The following PRKCD variants were observed in gnomAD, a reference collection of about 807,000 sequenced individuals.
PRKCD encodes the protein protein kinase C delta type.
PRKCD carries 20 observed loss-of-function variants against 82.2 expected under a neutral mutation model. That is an observed-to-expected ratio of 0.24 (90% CI 0.17 to 0.35). The LOEUF is 0.35. Ranked by LOEUF, PRKCD falls within the 10% of genes least tolerant of loss-of-function variation. The pLI is 1.00. For synonymous variants in PRKCD, 317 were observed against 337.0 expected (o/e 0.94, Z 0.65); for missense variants, 607 against 899.0 (o/e 0.68, Z 4.15).
chr3:53,182,312 A>G (rs1703476349), intron 7 of PRKCD, among the ~76,000 whole-genome samples: 1 of 151,738 alleles, frequency 6.6e-6, no homozygotes, highest in Middle Eastern at 3.2e-3. Context: ...TCTGTTGCCC[A>G]AGCTAGAGTG....
At chr3:53,163,278 G>A (rs1575520620) in intron 1 of PRKCD, among the ~76,000 whole-genome samples, 1 of 151,982 alleles carries the variant, frequency 6.6e-6, no homozygotes, top group South Asian at 2.1e-4. Flanking sequence ...TGTGATTGTG[G>A]GGAACCGAGA....
intron 5 of PRKCD, 33 bp downstream of exon 5, chr3:53,181,300 G>A: frequency 6.2e-7 from 1 of 1,612,126 alleles, no homozygotes; most frequent in South Asian, 1.1e-5. Context: ...GGGCTCCCTT[G>A]CCGGGTTCAG....
intron 2 of PRKCD, among the ~76,000 whole-genome samples, chr3:53,166,017 C>T (rs1055612996): frequency 5.9e-5 from 9 of 152,172 alleles, no homozygotes; most frequent in Non-Finnish European, 1.2e-4. Flanking sequence ...AAGCTGGAGC[C>T]TCGGAGTAAC....
At position 53,192,383 on chromosome 3, in the gene PRKCD, C is replaced by G. The variant is rs1247523463; in HGVS notation, c.*117C>G. ...GCTGGCCCCGCCCCTGCCCCCAGAG[C>G]GTCCTTGGCTGCCGTCTGGCCGGGC... On this transcript the variant is annotated 3_prime_UTR_variant, in exon 19 of 19. Transcript: ENST00000330452. 3.1e-6 allele frequency: 4 copies of G among 1,281,256 alleles called. No individual in the cohort carries two copies. Among genetic ancestry groups the G allele is most frequent in the Non-Finnish European group, 4.4e-6 (4 of 911,384 alleles). 79.4% of individuals were successfully genotyped at this position (1,281,256 alleles called of 1,614,324 possible).
At chr3:53,181,763 A>G (rs1033371368) in intron 7 of PRKCD, 31 bp downstream of exon 7, 6 of 1,614,018 alleles carry the variant, frequency 3.7e-6, no homozygotes, top group Admixed American at 1.7e-5. Flanking sequence ...GTTTGTACGT[A>G]TGTACCCATG....
chr3:53,162,111 C>T (rs1702687469), intron 1 of PRKCD, among the ~76,000 whole-genome samples: 1 of 151,960 alleles, frequency 6.6e-6, no homozygotes, highest in Admixed American at 6.5e-5. Flanking sequence ...CGTCTCTGGG[C>T]TGGGCGTGGC....
intron 18 of PRKCD, 110 bp from the exon 19 acceptor site, chr3:53,191,998 C>G (rs113628836): frequency 1.7e-6 from 2 of 1,143,844 alleles, no homozygotes; most frequent in African/African-American, 1.6e-5. Flanking sequence ...GTCTTCTGTT[C>G]TGGGTGAGGA....
At chr3:53,164,790 A>G (rs926961515) in intron 1 of PRKCD, among the ~76,000 whole-genome samples, 2 of 152,072 alleles carry the variant, frequency 1.3e-5, no homozygotes, top group East Asian at 3.9e-4. Context: ...TAAACCTGCA[A>G]GGCAACCTCC....
rs371324177 is a variant in PRKCD at position 53,181,547 on chromosome 3, G to A, written c.480G>A (p.Glu160=). 20 of 1,614,138 alleles carry A rather than the reference G, an allele frequency of 1.2e-5. No individual in the cohort carries two copies. The highest frequency in any genetic ancestry group is 1.7e-5 in the Non-Finnish European group (20 of 1,180,048). The stretch of plus-strand genomic sequence containing the variant: ...AAATCCACTACATCAAGAACCATGA[G>A]TTTATCGCCACCTTCTTTGGGCAAC... ...QAKIHYIKNH[E]FIATFFGQPT... Residue 160 remains glutamate, a synonymous_variant, in exon 6 of 19, where the codon GAG becomes GAA. Coordinates refer to ENST00000330452, the MANE Select transcript of PRKCD (RefSeq NM_006254.4).
In PRKCD at chr3:53,185,918, C is replaced by T; in HGVS notation, c.986-9C>T. 3 of 1,613,934 alleles carry T rather than the reference C, an allele frequency of 1.9e-6. No homozygotes were observed. Among genetic ancestry groups the T allele is most frequent in the South Asian group, 1.1e-5 (1 of 91,076 alleles). ...ACCCCGATCTGAGGAGGTGCCATCT[C>T]TCGGGCAGACAACAGTGGGACCTAC... On this transcript the variant is annotated splice_polypyrimidine_tract_variant and intron_variant, in intron 11 of 18. Coordinates refer to ENST00000330452, the MANE Select transcript of PRKCD (RefSeq NM_006254.4).
chr3:53,164,114 T>C (rs1340475011), intron 1 of PRKCD, among the ~76,000 whole-genome samples: 3 of 152,142 alleles, frequency 2.0e-5, no homozygotes, highest in Non-Finnish European at 2.9e-5. Flanking sequence ...CTTAGAGGCT[T>C]GAGCTGGCCT....
rs530801877 is a variant in PRKCD at position 53,169,904 on chromosome 3, A to G, written c.-20+4689A>G. Among the ~76,000 whole-genome samples the G allele has an allele frequency of 6.6e-6, 1 of 152,350 alleles. No individual in the cohort carries two copies. Among genetic ancestry groups the G allele is most frequent in the African/African-American group, 2.4e-5 (1 of 41,586 alleles). ...AGCACCCAGGCAGCAGATCTGAGCTAGGCCTGTCTAGGTCCAAGCTCGCCG... is the reference window on the plus strand; with the variant it reads ...AGCACCCAGGCAGCAGATCTGAGCTGGGCCTGTCTAGGTCCAAGCTCGCCG... On this transcript the variant is annotated intron_variant, in intron 2 of 18. Coordinates refer to ENST00000330452, the MANE Select transcript of PRKCD (RefSeq NM_006254.4). The surrounding 1 kb of genome is among the most constrained non-coding windows in gnomAD (Gnocchi z 4.7).
intron 2 of PRKCD, among the ~76,000 whole-genome samples, chr3:53,166,497 G>A (rs538849030): frequency 1.3e-5 from 2 of 152,328 alleles, no homozygotes; most frequent in South Asian, 2.1e-4. Context: ...CACACCCACA[G>A]ACTCATGAGT....
chr3:53,172,866 A>AT (rs1703085450), intron 2 of PRKCD, among the ~76,000 whole-genome samples: 1 of 152,162 alleles, frequency 6.6e-6, no homozygotes, highest in Non-Finnish European at 1.5e-5. Context: ...TCCTCTGACC[A>AT]ACAGGCATCA....
intron 3 of PRKCD, among the ~76,000 whole-genome samples, chr3:53,179,053 C>G (rs1575533081): frequency 1.3e-5 from 2 of 152,220 alleles, no homozygotes; most frequent in East Asian, 3.8e-4. Flanking sequence ...CTATTTGTCC[C>G]TCAGGTCTCG....
intron 2 of PRKCD, among the ~76,000 whole-genome samples, chr3:53,173,873 C>G (rs1244381404): frequency 6.6e-6 from 1 of 152,126 alleles, no homozygotes; most frequent in African/African-American, 2.4e-5. Flanking sequence ...TCTTGGAGCC[C>G]TTACCTCCCT....
At chr3:53,162,337 C>A (rs1553663168) in intron 1 of PRKCD, among the ~76,000 whole-genome samples, 1 of 152,140 alleles carries the variant, frequency 6.6e-6, no homozygotes, top group Non-Finnish European at 1.5e-5. Context: ...ACTGCTCCCA[C>A]TTCCCCAGTT....
rs782114906 is a variant in PRKCD at position 53,181,251 on chromosome 3, T to C, written c.360T>C (p.Tyr120=). The C allele has an allele frequency of 1.9e-6, 3 of 1,613,850 alleles. No individual in the cohort carries two copies. Among genetic ancestry groups the C allele is most frequent in the Admixed American group, 3.3e-5 (2 of 59,970 alleles). The part of the protein sequence containing the change: ...PQAKVLMSVQ[Y]FLEDVDCKQS... The stretch of plus-strand genomic sequence containing the variant: ...CCAAGGTGTTGATGTCTGTTCAGTA[T>C]TTCCTGGAGGACGTGGGTAAGAACT... The change falls in exon 5 of 19, where the codon TAT becomes TAC. Residue 120 remains tyrosine, a synonymous_variant. Transcript: ENST00000330452.
chr3:53,161,504 C>T (rs1553662944), intron 1 of PRKCD, 76 bp downstream of exon 1: 1 of 151,970 alleles, frequency 6.6e-6, no homozygotes, highest in Non-Finnish European at 1.5e-5. Context: ...CCCTTCCCGC[C>T]CCAGTTCCCG....
Sources: allele counts gnomAD v4.1 joint callset (sites outside exome capture counted in the v4.1 genomes callset), GRCh38; gene constraint gnomAD v4.1.1; non-coding constraint Gnocchi (gnomAD v3.1); transcripts MANE v1.5; gene names NCBI Gene and HGNC (gene_info 2026-07-23, HGNC 2026-07-21).